Variants in CNTNAP5 observed in about 807,000 individuals in gnomAD.
The protein encoded by CNTNAP5 is contactin associated protein family member 5, also known as contactin-associated protein-like 5.
A neutral mutation model predicts 150.2 loss-of-function variants in CNTNAP5; 72 were observed. The observed-to-expected ratio is 0.48, with a 90% CI of 0.40 to 0.58. The LOEUF (loss-of-function observed/expected upper bound fraction) is 0.58. Ranked by LOEUF, CNTNAP5 falls within the 20% of genes least tolerant of loss-of-function variation. The pLI is 0.00. For missense variants in CNTNAP5, 1,636 were observed against 1,626.2 expected (o/e 1.01, Z -0.10); for synonymous variants, 672 against 619.8 (o/e 1.08, Z -1.25).
At chr2:124,758,607 T>G (rs1234323760) in intron 14 of CNTNAP5, among the ~76,000 whole-genome samples, 1 of 151,818 alleles carries the variant, frequency 6.6e-6, no homozygotes, top group Non-Finnish European at 1.5e-5. Context: ...TGTCGTAGGT[T>G]GAGGAGGAAA....
chr2:124,082,398 G>C (rs1682581310), intron 1 of CNTNAP5, among the ~76,000 whole-genome samples: 1 of 145,842 alleles, frequency 6.9e-6, no homozygotes, highest in Non-Finnish European at 1.5e-5. Context: ...TCCAACCTTT[G>C]AGATTGGCTT....
intron 12 of CNTNAP5, among the ~76,000 whole-genome samples, chr2:124,622,433 A>G (rs1363249289): frequency 2.0e-5 from 3 of 152,058 alleles, no homozygotes; most frequent in Non-Finnish European, 2.9e-5. Flanking sequence ...ATGAACATAC[A>G]CATGCATGTA....
intron 14 of CNTNAP5, among the ~76,000 whole-genome samples, chr2:124,755,879 A>G (rs551693932): frequency 1.3e-5 from 2 of 152,174 alleles, no homozygotes. Flanking sequence ...GTAATATTTT[A>G]TTATGTAATG....
At chr2:124,659,050 G>A (rs933270631) in intron 13 of CNTNAP5, among the ~76,000 whole-genome samples, 1 of 152,080 alleles carries the variant, frequency 6.6e-6, no homozygotes, top group African/African-American at 2.4e-5. Context: ...CCTTAGATGA[G>A]GTACTCACCA....
At chr2:124,335,528 C>T (rs1024939658) in intron 3 of CNTNAP5, among the ~76,000 whole-genome samples, 1 of 150,364 alleles carries the variant, frequency 6.7e-6, no homozygotes, top group African/African-American at 2.5e-5. Flanking sequence ...AAGACAGGGA[C>T]AGAGCAAAAT....
At chr2:124,395,657 A>G (rs6747579) in intron 3 of CNTNAP5, among the ~76,000 whole-genome samples, 13,300 of 152,170 alleles carry the variant, frequency 0.087, 747 homozygotes, top group African/African-American at 0.16. Flanking sequence ...ACTTCATGCT[A>G]GAACTGTTCT....
Position 124,670,773 on chromosome 2 carries a change from A to G in CNTNAP5, c.2077+22815A>G, listed in dbSNP as rs1042607799. ...GCCTTGCTCGTTCACCTCTTTCAAA[A>G]TTCCGTATAAATAGAACCTTCTTAG... On this transcript the variant is annotated intron_variant, in intron 13 of 23. Coordinates refer to ENST00000682447, the MANE Select transcript of CNTNAP5 (RefSeq NM_001367498.1). Among the ~76,000 whole-genome samples the G allele has an allele frequency of 2.0e-5, 3 of 152,254 alleles. No homozygotes were observed. In the East Asian group the frequency reaches 5.8e-4, roughly 29 times the overall value.
chr2:124,097,327 C>T (rs1682959322), intron 1 of CNTNAP5, among the ~76,000 whole-genome samples: 1 of 152,132 alleles, frequency 6.6e-6, no homozygotes, highest in African/African-American at 2.4e-5. Context: ...CACTATCCTA[C>T]CCCAATTCCA....
chr2:124,634,896 T>C (rs1352951129), intron 12 of CNTNAP5, among the ~76,000 whole-genome samples: 1 of 152,158 alleles, frequency 6.6e-6, no homozygotes, highest in Admixed American at 6.5e-5. Context: ...TTAACAAGTC[T>C]CTAGGAAGTT....
intron 11 of CNTNAP5, among the ~76,000 whole-genome samples, chr2:124,579,966 A>G (rs536870338): frequency 3.9e-5 from 6 of 152,254 alleles, no homozygotes; most frequent in Non-Finnish European, 8.8e-5. Context: ...TGACATAATC[A>G]AACTAAGACT....
chr2:124,671,721 C>A (rs1392381830), intron 13 of CNTNAP5, among the ~76,000 whole-genome samples: 1 of 152,172 alleles, frequency 6.6e-6, no homozygotes, highest in Non-Finnish European at 1.5e-5. Flanking sequence ...CTCACTGCAA[C>A]TTCTGCCTCC....
intron 19 of CNTNAP5, among the ~76,000 whole-genome samples, chr2:124,810,091 G>T (rs1190630403): frequency 2.0e-5 from 3 of 152,178 alleles, no homozygotes; most frequent in South Asian, 2.1e-4. Context: ...GTGTAATGTC[G>T]TTATTGAAGA....
intron 1 of CNTNAP5, among the ~76,000 whole-genome samples, chr2:124,122,302 GCAGGCTGT>G (rs1054225246): frequency 1.6e-4 from 25 of 152,128 alleles, no homozygotes; most frequent in African/African-American, 5.1e-4. Context: ...GAAACATTAG[GCAGGCTGT>G]CAGGCACAGA....
intron 1 of CNTNAP5, among the ~76,000 whole-genome samples, chr2:124,047,720 G>A (rs906706946): frequency 2.0e-5 from 3 of 152,160 alleles, no homozygotes; most frequent in Non-Finnish European, 4.4e-5. Context: ...GCTGTAAATG[G>A]TTCAAGGTAC....
Position 124,434,586 on chromosome 2 carries a change from G to T in CNTNAP5, c.632G>T (p.Ser211Ile). 6.2e-7 allele frequency: 1 copy of T among 1,613,976 alleles called. No homozygotes were observed. Among genetic ancestry groups the T allele is most frequent in the Non-Finnish European group, 8.5e-7 (1 of 1,179,840 alleles). Residue 211 changes from serine (S) to isoleucine (I), a missense_variant, in exon 5 of 24, where the codon AGC (serine) becomes ATC (isoleucine). By Grantham distance (142) the Ser-to-Ile change is moderately radical (BLOSUM62 -2). Coordinates refer to ENST00000682447, the MANE Select transcript of CNTNAP5 (RefSeq NM_001367498.1). ...LKDVISLKFK[S>I]MQGDGVLFHG... ...GATGTGATCTCCCTGAAGTTCAAGA[G>T]CATGCAAGGAGATGGGGTCCTGTTC...
intron 3 of CNTNAP5, among the ~76,000 whole-genome samples, chr2:124,407,512 C>A (rs1691605038): frequency 1.3e-5 from 2 of 151,964 alleles, no homozygotes; most frequent in Non-Finnish European, 1.5e-5. Flanking sequence ...TGGATAAGCC[C>A]AGGGGAGTTG....
chr2:124,483,540 C>T (rs1027886722), intron 7 of CNTNAP5, among the ~76,000 whole-genome samples: 1 of 152,154 alleles, frequency 6.6e-6, no homozygotes, highest in African/African-American at 2.4e-5. Flanking sequence ...GCAGTGTCTA[C>T]CACAGGGTAG....
intron 4 of CNTNAP5, among the ~76,000 whole-genome samples, chr2:124,421,462 A>G (rs543418725): frequency 6.6e-6 from 1 of 152,268 alleles, no homozygotes; most frequent in Admixed American, 6.5e-5. Flanking sequence ...ACTTATCTAC[A>G]GCTCACAGTA....
chr2:124,917,305 G>A lies in CNTNAP5; in HGVS notation c.*3017G>A, dbSNP rs1678788528. Among the ~76,000 whole-genome samples the A allele has an allele frequency of 6.6e-6, 1 of 151,982 alleles. No homozygotes were observed. The highest frequency in any genetic ancestry group is 6.6e-5 in the Admixed American group (1 of 15,236). On this transcript the variant is annotated 3_prime_UTR_variant, in exon 24 of 24. Transcript: ENST00000682447. Reference sequence around the variant, plus strand: ...TTGTGAAATTTCACATTTTAATGGAGCTGTTTCATTGATATTTTTTTCCAC... The same window carrying A: ...TTGTGAAATTTCACATTTTAATGGAACTGTTTCATTGATATTTTTTTCCAC...
Sources: gnomAD v4.1 joint callset for allele counts (sites outside exome capture counted in the v4.1 genomes callset) on GRCh38, gnomAD v4.1.1 for gene constraint, MANE v1.5 for transcripts, NCBI Gene and HGNC (gene_info 2026-07-23, HGNC 2026-07-21) for gene names.